Variants in PLOD1 observed in about 807,000 individuals in gnomAD.
The protein encoded by PLOD1 is procollagen-lysine,2-oxoglutarate 5-dioxygenase 1.
A neutral mutation model predicts 94.7 loss-of-function variants in PLOD1; 70 were observed. The ratio of observed to expected loss-of-function variants is 0.74; its 90% CI spans 0.61 to 0.90. The LOEUF (loss-of-function observed/expected upper bound fraction) is 0.90, where lower values mean the gene tolerates loss of function less well. Ranked by LOEUF, PLOD1 falls within the 40% of genes least tolerant of loss-of-function variation. The probability of loss-of-function intolerance (pLI) is 0.00; values close to 1 mark genes in which losing one functional copy is unlikely to be tolerated. For missense variants in PLOD1, 905 were observed against 972.7 expected, an observed-to-expected ratio of 0.93 and a Z score of 0.93; for synonymous variants, 417 against 400.2, an observed-to-expected ratio of 1.04 and a Z score of -0.50.
chr1:11,966,315 C>T lies in PLOD1; in HGVS notation c.1649C>T (p.Thr550Met), dbSNP rs748526375. ...GCCCTGGCAGGGAAGCTGGTGGAGA[C>T]GGTAAGGGCCATGGACACCCTCTTG... is the stretch of plus-strand genomic sequence containing the variant. ...TKALAGKLVE[T>M]PCPDVYWFPI... Residue 550 changes from threonine (T) to methionine (M), a missense_variant and splice_region_variant, in exon 15 of 19, where the codon ACG becomes ATG. By Grantham distance (81) the Thr-to-Met change is moderately conservative (BLOSUM62 -1). Transcript: ENST00000196061. 3.3e-5 allele frequency: 53 copies of T among 1,601,632 alleles called. No homozygotes were observed. The Admixed American group carries it at 5.9e-4, about 18-fold the overall frequency.
chr1:11,956,369 A>G (rs566080193), intron 6 of PLOD1, among the ~76,000 whole-genome samples: 2 of 152,262 alleles, frequency 1.3e-5, no homozygotes, highest in East Asian at 3.9e-4. Context: ...GGGCAATAGA[A>G]TGAGACTCCA....
In PLOD1 at chr1:11,956,965, T is replaced by G; in HGVS notation, c.692T>G (p.Leu231Arg). The change falls in exon 7 of 19, where the codon CTG becomes CGG. Residue 231 changes from leucine (L) to arginine (R), a missense_variant. Physicochemically the swap from Leu to Arg is moderately radical, Grantham distance 102 (BLOSUM62 -2). Coordinates refer to ENST00000196061, the MANE Select transcript of PLOD1 (RefSeq NM_000302.4). Reference protein sequence around the residue: ...FEMGHVRARNLAYDTLPVLIH... With the variant: ...FEMGHVRARNRAYDTLPVLIH... ...ATGGGCCATGTGAGAGCGAGGAACC[T>G]GGCCTATGACACCCTCCCGGTCCTG... 1 of 1,613,938 alleles carries G rather than the reference T, an allele frequency of 6.2e-7. No individual in the cohort carries two copies. The highest frequency in any genetic ancestry group is 8.5e-7 in the Non-Finnish European group (1 of 1,179,876).
chr1:11,961,106 G>A (rs962323568), intron 10 of PLOD1, among the ~76,000 whole-genome samples: 7 of 152,014 alleles, frequency 4.6e-5, no homozygotes, highest in African/African-American at 1.2e-4. Flanking sequence ...AAAAAAGGCC[G>A]AGAGCAGTGG....
intron 2 of PLOD1, 97 bp downstream of exon 2, chr1:11,948,164 C>T: frequency 1.1e-6 from 1 of 872,962 alleles, no homozygotes; most frequent in East Asian, 2.4e-5. Context: ...TTAAGATAGA[C>T]TTGGGGCCAC....
chr1:11,941,803 C>T (rs560532304), intron 1 of PLOD1, among the ~76,000 whole-genome samples: 20 of 152,180 alleles, frequency 1.3e-4, no homozygotes, highest in African/African-American at 4.3e-4. Flanking sequence ...GGATTACATG[C>T]ACCACCGTAT....
chr1:11,934,902 G>C (rs1253565073), intron 1 of PLOD1, 47 bp downstream of exon 1: 1 of 1,524,664 alleles, frequency 6.6e-7, no homozygotes, highest in Admixed American at 2.0e-5. Context: ...CGGGCGGGAG[G>C]GCTGGTGTCG....
Position 11,972,578 on chromosome 1 carries a change from C to T in PLOD1, c.1903-294C>T, listed in dbSNP as rs1322826616. 2 of 390,198 alleles carry T rather than the reference C, an allele frequency of 5.1e-6. No homozygotes were observed. The highest frequency in any genetic ancestry group is 3.7e-5 in the Admixed American group (1 of 27,044). The allele number at this position is 390,198 out of a possible 1,614,324, so 24.2% of individuals were successfully genotyped here. ...CCTTCCCTTTCATTTCTTCTCTTCC[C>T]TTTCATTTCTTCTCTTCCCTTTTCC... On this transcript the variant is annotated intron_variant, in intron 17 of 18. Coordinates refer to ENST00000196061, the MANE Select transcript of PLOD1 (RefSeq NM_000302.4). This position sits in a 1 kb window ranked among gnomAD's most constrained non-coding sequence, Gnocchi z 4.6.
At position 11,958,099 on chromosome 1, in the gene PLOD1, G is replaced by A. The variant is rs976931658; in HGVS notation, c.843+156G>A. Among the ~76,000 whole-genome samples the A allele has an allele frequency of 6.6e-6, 1 of 152,056 alleles. No individual in the cohort carries two copies. The highest frequency in any genetic ancestry group is 2.4e-5 in the African/African-American group (1 of 41,394). On this transcript the variant is annotated intron_variant, in intron 8 of 18. Transcript: ENST00000196061. The surrounding 1 kb of genome is among the most constrained non-coding windows in gnomAD (Gnocchi z 4.3). ...GTTCTATCCCGGTTGCCACCCAAGTGCCTCCTCCTGGAAGCCCTCTCAGAT... is the reference window on the plus strand; with the variant it reads ...GTTCTATCCCGGTTGCCACCCAAGTACCTCCTCCTGGAAGCCCTCTCAGAT...
chr1:11,967,517 T>C (rs1389400749), intron 16 of PLOD1, among the ~76,000 whole-genome samples: 3 of 144,724 alleles, frequency 2.1e-5, no homozygotes, highest in Non-Finnish European at 3.0e-5. Context: ...CTGTGTTCTC[T>C]CCGTGAGAAT....
In PLOD1 at chr1:11,963,731, C is replaced by T. The variant is rs559916442; in HGVS notation, c.1202+95C>T. 4.1e-6 allele frequency: 3 copies of T among 737,826 alleles called. No homozygotes were observed. The highest frequency in any genetic ancestry group is 3.5e-5 in the African/African-American group (2 of 57,860). 45.7% of individuals were successfully genotyped at this position (737,826 alleles called of 1,614,324 possible). On this transcript the variant is annotated intron_variant, in intron 11 of 18. Transcript: ENST00000196061. This position sits in a 1 kb window ranked among gnomAD's most constrained non-coding sequence, Gnocchi z 4.3. Reference sequence around the variant, plus strand: ...CCTTCCTCCTCCTCCTCCTCATCCACCTCCTCTTCCTCCTCTTTTTCCTTC... The same window carrying T: ...CCTTCCTCCTCCTCCTCCTCATCCATCTCCTCTTCCTCCTCTTTTTCCTTC...
chr1:11,946,948 G>A (rs373944716), intron 1 of PLOD1, among the ~76,000 whole-genome samples: 65 of 152,284 alleles, frequency 4.3e-4, no homozygotes, highest in African/African-American at 1.3e-3. Context: ...GAGCAAGAGA[G>A]AGGAGGAAGT....
intron 14 of PLOD1, 144 bp from the exon 15 acceptor site, chr1:11,966,105 AAC>A: frequency 1.4e-6 from 1 of 712,558 alleles, no homozygotes. Flanking sequence ...GCACCCAGAC[AAC>A]ACACACGCAC....
chr1:11,966,189 C>T (rs1645816074), intron 14 of PLOD1, 62 bp from the exon 15 acceptor site: 1 of 1,264,528 alleles, frequency 7.9e-7, no homozygotes, highest in African/African-American at 1.5e-5. Context: ...GGGGTCTGCT[C>T]TGAGCATCCC....
In PLOD1 at chr1:11,956,934, T is replaced by C; in HGVS notation, c.661T>C (p.Phe221Leu). The C allele has an allele frequency of 6.2e-7, 1 of 1,613,404 alleles. No individual in the cohort carries two copies. The highest frequency in any genetic ancestry group is 8.5e-7 in the Non-Finnish European group (1 of 1,179,476). Residue 221 changes from phenylalanine (F) to leucine (L), a missense_variant, in exon 7 of 19, where the codon TTT becomes CTT. By Grantham distance (22) the Phe-to-Leu change is conservative. Transcript: ENST00000196061. ...ACCCCCAGATGAGGTCGTGCTCAAGTTTGAAATGGGCCATGTGAGAGCGAG... is the reference window on the plus strand; with the variant it reads ...ACCCCCAGATGAGGTCGTGCTCAAGCTTGAAATGGGCCATGTGAGAGCGAG... ...DGALDEVVLK[F>L]EMGHVRARNL...
chr1:11,943,258 G>T (rs1020198380), intron 1 of PLOD1, among the ~76,000 whole-genome samples: 6 of 151,136 alleles, frequency 4.0e-5, no homozygotes, highest in Non-Finnish European at 8.8e-5. Context: ...AAAGTGCTAG[G>T]ATTATAGGCA....
At position 11,974,236 on chromosome 1, in the gene PLOD1, C is replaced by T. The variant is rs58160668; in HGVS notation, c.2029-417C>T. Reference sequence around the variant, plus strand: ...TTTTGAGACAGTCTCATTCTGTTGCCCAGGCTGGAGTACAGTGGCGCGATC... The same window carrying T: ...TTTTGAGACAGTCTCATTCTGTTGCTCAGGCTGGAGTACAGTGGCGCGATC... On this transcript the variant is annotated intron_variant, in intron 18 of 18. Transcript: ENST00000196061. Among the ~76,000 whole-genome samples, 836 of 152,028 alleles carry T rather than the reference C, an allele frequency of 5.5e-3. 9 individuals carry two copies. Among genetic ancestry groups the T allele is most frequent in the African/African-American group, 0.019 (802 of 41,470 alleles).
intron 4 of PLOD1, among the ~76,000 whole-genome samples, chr1:11,950,882 C>T (rs1432709032): frequency 1.3e-5 from 2 of 152,178 alleles, no homozygotes; most frequent in African/African-American, 4.8e-5. Flanking sequence ...CAGCCTCCGC[C>T]TCTTGGGCTC....
chr1:11,949,664 C>A, intron 2 of PLOD1, 109 bp from the exon 3 acceptor site: 2 of 1,115,554 alleles, frequency 1.8e-6, no homozygotes, highest in Non-Finnish European at 2.7e-6. Flanking sequence ...AGGTGGTCCA[C>A]ACGTCTCGGC....
chr1:11,944,542 C>A, intron 1 of PLOD1: 1 of 1,349,756 alleles, frequency 7.4e-7, no homozygotes, highest in East Asian at 4.7e-5. Context: ...CCAAGAGGGC[C>A]TCAGAGCTGG....
Sources: gnomAD v4.1 joint callset for allele counts (sites outside exome capture counted in the v4.1 genomes callset) on GRCh38, gnomAD v4.1.1 for gene constraint, Gnocchi (gnomAD v3.1) non-coding constraint, MANE v1.5 for transcripts, NCBI Gene and HGNC (gene_info 2026-07-23, HGNC 2026-07-21) for gene names.